QTRT2: variants seen among roughly 807,000 people sequenced by gnomAD.
The protein encoded by QTRT2 is queuine tRNA-ribosyltransferase domain containing 1.
QTRT2 carries 32 observed loss-of-function variants against 44.8 expected under a neutral mutation model. The ratio of observed to expected loss-of-function variants is 0.71; its 90% CI spans 0.54 to 0.96. The LOEUF is 0.96. QTRT2 is among the 40% of genes least tolerant of loss of function. The probability of loss-of-function intolerance (pLI) is 0.00; values close to 1 mark genes in which losing one functional copy is unlikely to be tolerated. For synonymous variants in QTRT2, 182 were observed against 187.4 expected, an observed-to-expected ratio of 0.97 and a Z score of 0.24; for missense variants, 461 against 503.1, an observed-to-expected ratio of 0.92 and a Z score of 0.80.
chr3:114,060,492 GTAGGTAGA>G lies in QTRT2; in HGVS notation c.-22+3390_-22+3397del, dbSNP rs1387993986. Among the ~76,000 whole-genome samples the G allele has an allele frequency of 3.0e-3, 411 of 137,142 alleles. 1 individual carries two copies. Among genetic ancestry groups the G allele is most frequent in the East Asian group, 0.011 (54 of 4,700 alleles). The allele number at this position is 137,142 out of a possible 152,430, so 90.0% of individuals were successfully genotyped here. On this transcript the variant is annotated intron_variant, in intron 2 of 9. Coordinates refer to ENST00000281273, the MANE Select transcript of QTRT2 (RefSeq NM_024638.4). Reference sequence around the variant, plus strand: ...GATAGATAGGTAGGTAGGTAGGTAGGTAGGTAGATAGATAGATAGATAGATAGATAGAT... The same window carrying G: ...GATAGATAGGTAGGTAGGTAGGTAGGTAGATAGATAGATAGATAGATAGAT...
rs775338850 is a variant in QTRT2, at chr3:114,076,981, TG to T, written c.746+40del. 3 of 1,590,670 alleles carry T rather than the reference TG, an allele frequency of 1.9e-6. No individual in the cohort carries two copies. In the South Asian group the frequency reaches 3.3e-5, roughly 18 times the overall value. Reference sequence around the variant, plus strand: ...TAGGACACAGGCTGGCCTCAAGGGATGCAGGGAAGGAGTGCTGGCCGATTGT... The same window carrying T: ...TAGGACACAGGCTGGCCTCAAGGGATCAGGGAAGGAGTGCTGGCCGATTGT... On this transcript the variant is annotated intron_variant, in intron 7 of 9. Transcript: ENST00000281273.
rs552391151 is a variant in QTRT2 at position 114,070,638 on chromosome 3, T to G, written c.346T>G (p.Trp116Gly). 24 of 1,614,094 alleles carry G rather than the reference T, an allele frequency of 1.5e-5. No individual in the cohort carries two copies. The South Asian group carries it at 2.5e-4, about 17-fold the overall frequency. The change falls in exon 6 of 10, where the codon TGG becomes GGG. Residue 116 changes from tryptophan (W) to glycine (G), a missense_variant. Transcript: ENST00000281273. ...TGCTCCATGGCAGTCTGTGTCTGTG[T>G]GGAGTGTTGCAGGACGAGTGGAAAT... ...GYVTNKSVSV[W>G]SVAGRVEMTV...
Position 114,085,684 on chromosome 3 carries a change from A to T in QTRT2, c.1028A>T (p.Asp343Val), listed in dbSNP as rs763541695. 2 of 1,613,702 alleles carry T rather than the reference A, an allele frequency of 1.2e-6. No individual in the cohort carries two copies. Among genetic ancestry groups the T allele is most frequent in the Admixed American group, 3.3e-5 (2 of 59,992 alleles). Reference protein sequence around the residue: ...INLKEKKYQEDFNPLVRGCSC... With the variant: ...INLKEKKYQEVFNPLVRGCSC... ...GACTTCTTTCTTAGGTACCAGGAGG[A>T]CTTTAACCCGCTGGTGAGAGGATGT... The change falls in exon 10 of 10, where the codon GAC (aspartate) becomes GTC (valine). Residue 343 changes from aspartate to valine, a missense_variant. Physicochemically the swap from Asp to Val is radical, Grantham distance 152. Transcript: ENST00000281273.
intron 5 of QTRT2, among the ~76,000 whole-genome samples, chr3:114,069,725 T>C (rs890029451): frequency 1.3e-5 from 2 of 152,228 alleles, no homozygotes; most frequent in Non-Finnish European, 2.9e-5. Flanking sequence ...TGTGTCCTTA[T>C]GGCGGAATGA....
rs2107810995 is a variant in QTRT2 at position 114,086,536 on chromosome 3, C to T, written c.*632C>T. Reference sequence around the variant, plus strand: ...ACACTCCTTCATTTGACCACATGGCCTATTTGCAACTTCTTTTTAGAGCCA... The same window carrying T: ...ACACTCCTTCATTTGACCACATGGCTTATTTGCAACTTCTTTTTAGAGCCA... On this transcript the variant is annotated 3_prime_UTR_variant, in exon 10 of 10. Transcript: ENST00000281273. 2 of 153,780 alleles carry T rather than the reference C, an allele frequency of 1.3e-5. No homozygotes were observed. The highest frequency in any genetic ancestry group is 4.1e-4 in the South Asian group (2 of 4,896). 9.5% of individuals were successfully genotyped at this position (153,780 alleles called of 1,614,324 possible).
chr3:114,065,625 G>A (rs1185737221), intron 3 of QTRT2, among the ~76,000 whole-genome samples, 168 bp downstream of exon 3: 4 of 152,126 alleles, frequency 2.6e-5, no homozygotes, highest in African/African-American at 9.7e-5. Context: ...CCCTAATCTG[G>A]AAGCCACAGG....
rs911495624 is a variant in QTRT2 at position 114,077,229 on chromosome 3, G to A, written c.746+287G>A. ...TATTATACTGTTTCCCCTCATTCTT[G>A]TGCCAATTACAAATATTGTTGTTAT... On this transcript the variant is annotated intron_variant, in intron 7 of 9. Transcript: ENST00000281273. The A allele has an allele frequency of 8.8e-6, 3 of 339,004 alleles. No individual in the cohort carries two copies. The East Asian group carries it at 1.7e-4, about 19-fold the overall frequency. The allele number at this position is 339,004 out of a possible 1,614,324, so 21.0% of individuals were successfully genotyped here. A position where few individuals can be genotyped will look rare whatever the true frequency, so the allele number is the denominator to read the frequency against.
chr3:114,078,908 G>A (rs1026440007), intron 7 of QTRT2: 2 of 152,114 alleles, frequency 1.3e-5, no homozygotes, highest in Admixed American at 6.6e-5. Context: ...TATTAATGGA[G>A]AAAATATAAA....
At chr3:114,075,016 A>G (rs1049137474) in intron 6 of QTRT2, among the ~76,000 whole-genome samples, 3 of 152,196 alleles carry the variant, frequency 2.0e-5, no homozygotes, top group African/African-American at 7.2e-5. Flanking sequence ...TTTGTAAATA[A>G]ACCTTGGCAC....
chr3:114,069,337 C>G (rs2076995087), intron 5 of QTRT2, among the ~76,000 whole-genome samples: 1 of 151,968 alleles, frequency 6.6e-6, no homozygotes, highest in African/African-American at 2.4e-5. Context: ...ATTATTTCAT[C>G]ACTGAGGTAT....
intron 6 of QTRT2, among the ~76,000 whole-genome samples, chr3:114,074,442 G>T (rs1449879169): frequency 6.6e-6 from 1 of 152,134 alleles, no homozygotes; most frequent in Non-Finnish European, 1.5e-5. Flanking sequence ...TTCCTGATAG[G>T]TTTCAAGTTT....
At chr3:114,076,198 ACT>A (rs2077088080) in intron 6 of QTRT2, among the ~76,000 whole-genome samples, 1 of 152,056 alleles carries the variant, frequency 6.6e-6, no homozygotes, top group Non-Finnish European at 1.5e-5. Context: ...ACATGGTCTC[ACT>A]CTCTTACCCT....
chr3:114,075,588 AG>A (rs2077079342), intron 6 of QTRT2, among the ~76,000 whole-genome samples: 1 of 146,712 alleles, frequency 6.8e-6, no homozygotes, highest in Non-Finnish European at 1.5e-5. Flanking sequence ...CACTCAGCGC[AG>A]CCTCCTCCTC....
intron 3 of QTRT2, 76 bp downstream of exon 3, chr3:114,065,533 A>C: frequency 9.0e-7 from 1 of 1,112,838 alleles, no homozygotes. Flanking sequence ...AAAGAGAAAT[A>C]TTTTTTTTTG....
At chr3:114,072,967 C>A (rs1202663775) in intron 6 of QTRT2, among the ~76,000 whole-genome samples, 2 of 152,084 alleles carry the variant, frequency 1.3e-5, no homozygotes, top group East Asian at 3.9e-4. Flanking sequence ...GTGGAGTAAT[C>A]CTGAGCGATG....
chr3:114,078,210 T>C (rs1003539643), intron 7 of QTRT2: 1 of 152,236 alleles, frequency 6.6e-6, no homozygotes, highest in African/African-American at 2.4e-5. Flanking sequence ...CTGGTGCACA[T>C]AACACTTCAG....
intron 5 of QTRT2, among the ~76,000 whole-genome samples, chr3:114,070,014 A>G (rs924880523): frequency 1.3e-5 from 2 of 152,220 alleles, no homozygotes; most frequent in African/African-American, 2.4e-5. Context: ...AGAAATAAAT[A>G]CAAATTGATG....
rs1223040435 is a variant in QTRT2 at position 114,086,346 on chromosome 3, A to T, written c.*442A>T. On this transcript the variant is annotated 3_prime_UTR_variant, in exon 10 of 10. Coordinates refer to ENST00000281273, the MANE Select transcript of QTRT2 (RefSeq NM_024638.4). ...TCTGGCTGGTTTGAGGGTTTCCTTT[A>T]GTTCACCCTCATACTCTCAGGAGAC... 1 of 195,972 alleles carries T rather than the reference A, an allele frequency of 5.1e-6. No individual in the cohort carries two copies. Among genetic ancestry groups the T allele is most frequent in the Non-Finnish European group, 1.1e-5 (1 of 93,350 alleles). The allele number at this position is 195,972 out of a possible 1,614,324, so 12.1% of individuals were successfully genotyped here.
chr3:114,066,428 G>A lies in QTRT2; in HGVS notation c.256+145G>A, dbSNP rs2076954947. 5.1e-6 allele frequency: 3 copies of A among 583,190 alleles called. No individual in the cohort carries two copies. In the South Asian group the frequency reaches 6.5e-5, roughly 13 times the overall value. The allele number at this position is 583,190 out of a possible 1,614,324, so 36.1% of individuals were successfully genotyped here. ...TTGAACATCTAAGAGCCAGGCATTGGCAAGTCAAGATTGAATAGGAAACAG... is the reference window on the plus strand; with the variant it reads ...TTGAACATCTAAGAGCCAGGCATTGACAAGTCAAGATTGAATAGGAAACAG... On this transcript the variant is annotated intron_variant, in intron 4 of 9. Transcript: ENST00000281273.
Sources: gnomAD v4.1 joint callset for allele counts (sites outside exome capture counted in the v4.1 genomes callset) on GRCh38, gnomAD v4.1.1 for gene constraint, MANE v1.5 for transcripts, NCBI Gene and HGNC (gene_info 2026-07-23, HGNC 2026-07-21) for gene names.